Variants in TCF12 observed in about 807,000 individuals in gnomAD.
TCF12 encodes transcription factor 12.
Under a neutral mutation model 86.0 loss-of-function variants are expected in TCF12, and 45 were observed. The ratio of observed to expected loss-of-function variants is 0.52; its 90% CI spans 0.41 to 0.67. The LOEUF (loss-of-function observed/expected upper bound fraction) is 0.67. Ranked by LOEUF, TCF12 falls within the 30% of genes least tolerant of loss-of-function variation. The pLI, the probability that TCF12 is intolerant of heterozygous loss-of-function variation, is 0.00. For synonymous variants in TCF12, 330 were observed against 299.6 expected (o/e 1.10, Z -1.05); for missense variants, 881 against 859.9 (o/e 1.02, Z -0.31).
chr15:57,143,099 C>T (rs1406707865), intron 5 of TCF12, among the ~76,000 whole-genome samples: 1 of 151,240 alleles, frequency 6.6e-6, no homozygotes, highest in Non-Finnish European at 1.5e-5. Flanking sequence ...GCATTGCCTA[C>T]CTTTACCAAA....
intron 13 of TCF12, among the ~76,000 whole-genome samples, chr15:57,244,290 A>G (rs2059759660): frequency 6.6e-6 from 1 of 152,230 alleles, no homozygotes; most frequent in African/African-American, 2.4e-5. Flanking sequence ...TACGGGTAAG[A>G]TTCAAAGATG....
intron 5 of TCF12, among the ~76,000 whole-genome samples, chr15:57,111,168 G>A (rs1177785627): frequency 2.0e-5 from 3 of 151,890 alleles, no homozygotes; most frequent in Admixed American, 6.6e-5. Flanking sequence ...ACTAGCTAGC[G>A]CTGAATGGAC....
chr15:57,021,058 C>T (rs773324919), intron 3 of TCF12, among the ~76,000 whole-genome samples: 1 of 152,100 alleles, frequency 6.6e-6, no homozygotes, highest in Non-Finnish European at 1.5e-5. Context: ...ACATTAAGAG[C>T]ATCTTGAGAG....
intron 8 of TCF12, among the ~76,000 whole-genome samples, chr15:57,222,079 A>T (rs1840491895): frequency 2.0e-5 from 3 of 152,068 alleles, no homozygotes; most frequent in South Asian, 2.1e-4. Context: ...GATTTATTTT[A>T]AAATGATAGA....
At chr15:57,086,308 A>T (rs1036988814) in intron 4 of TCF12, among the ~76,000 whole-genome samples, 1 of 151,378 alleles carries the variant, frequency 6.6e-6, no homozygotes, top group Non-Finnish European at 1.5e-5. Flanking sequence ...ACATATATTT[A>T]CTTATTTAAT....
chr15:57,205,809 T>A (rs1407585601), intron 8 of TCF12, among the ~76,000 whole-genome samples: 4 of 152,194 alleles, frequency 2.6e-5, no homozygotes, highest in African/African-American at 9.7e-5. Flanking sequence ...AGTTCTAAGA[T>A]GTTGATTTTT....
At chr15:56,974,071 G>T (rs183982860) in intron 3 of TCF12, among the ~76,000 whole-genome samples, 68 of 152,228 alleles carry the variant, frequency 4.5e-4, no homozygotes, top group Admixed American at 9.2e-4. Flanking sequence ...TTCTTTTCCT[G>T]TGAAGGACAT....
chr15:57,246,236 C>T (rs1162672985), intron 13 of TCF12, among the ~76,000 whole-genome samples: 1 of 152,130 alleles, frequency 6.6e-6, no homozygotes, highest in Non-Finnish European at 1.5e-5. Context: ...GGTGCAGAGC[C>T]ACATAAGCAG....
rs59704193 is a variant in TCF12, at chr15:57,237,148, AGT to A, written c.1035+3064_1035+3065del. 3.5e-3 allele frequency among the ~76,000 whole-genome samples: 515 copies of A among 146,124 alleles called. 1 individual carries two copies. The highest frequency in any genetic ancestry group is 4.8e-3 in the Non-Finnish European group (321 of 66,382). On this transcript the variant is annotated intron_variant, in intron 12 of 20. Coordinates refer to ENST00000333725, the MANE Select transcript of TCF12 (RefSeq NM_207037.2). ...GAGCAAGGGAAAAAGAGAGAGAGAGAGTGTGTGTGTGTGTGTGTGTGTGTATA... is the reference window on the plus strand; with the variant it reads ...GAGCAAGGGAAAAAGAGAGAGAGAGAGTGTGTGTGTGTGTGTGTGTGTATA...
intron 13 of TCF12, among the ~76,000 whole-genome samples, chr15:57,244,727 G>A (rs1203420191): frequency 6.6e-6 from 1 of 151,270 alleles, no homozygotes; most frequent in Non-Finnish European, 1.5e-5. Flanking sequence ...TTCTCCCAAA[G>A]TGCTGGGATT....
upstream of TCF12, chr15:56,918,530 TC>T: frequency 3.4e-6 from 1 of 295,776 alleles, no homozygotes; most frequent in Non-Finnish European, 6.7e-6. Context: ...CTCCTCCCAG[TC>T]CCCGACAGCT....
chr15:57,095,303 C>G (rs1012756680), intron 5 of TCF12, among the ~76,000 whole-genome samples: 1 of 152,166 alleles, frequency 6.6e-6, no homozygotes, highest in Non-Finnish European at 1.5e-5. Context: ...TCTTCCAGCT[C>G]TGGTCCATTT....
At chr15:57,185,660 A>G (rs935021140) in intron 6 of TCF12, among the ~76,000 whole-genome samples, 1 of 152,224 alleles carries the variant, frequency 6.6e-6, no homozygotes, top group African/African-American at 2.4e-5. Flanking sequence ...CCAAGGCAGG[A>G]GGATCACTTG....
At chr15:57,065,945 T>C (rs2068839291) in intron 4 of TCF12, among the ~76,000 whole-genome samples, 1 of 152,186 alleles carries the variant, frequency 6.6e-6, no homozygotes, top group Non-Finnish European at 1.5e-5. Context: ...AGTGAAGATT[T>C]AATGCTACCC....
At position 56,919,946 on chromosome 15, in the gene TCF12, A is replaced by G. The variant is rs138659671; in HGVS notation, c.33A>G (p.Ile11Met). ...CCCAGCAACAACGCATGGCCGCTAT[A>G]GGGACCGACAAGGAGCTGAGCGACC... MNPQQQRMAA[I>M]GTDKELSDLL... Residue 11 changes from isoleucine to methionine, a missense_variant, in exon 2 of 21, where the codon ATA becomes ATG. Around this residue, in one of 3 missense-constraint regions of TCF12, gnomAD observed 766 missense variants for 718.9 expected, o/e 1.07. Transcript: ENST00000333725. The G allele has an allele frequency of 7.7e-5, 125 of 1,613,928 alleles. No individual in the cohort carries two copies. The highest frequency in any genetic ancestry group is 1.0e-4 in the Non-Finnish European group (118 of 1,179,970).
chr15:57,189,551 C>G (rs1401531183), intron 6 of TCF12, among the ~76,000 whole-genome samples: 3 of 152,080 alleles, frequency 2.0e-5, no homozygotes, highest in Admixed American at 1.3e-4. Flanking sequence ...TACCACTTTG[C>G]CCCTCAAGGA....
At chr15:57,208,249 G>A (rs1333853054) in intron 8 of TCF12, among the ~76,000 whole-genome samples, 1 of 151,580 alleles carries the variant, frequency 6.6e-6, no homozygotes, top group Non-Finnish European at 1.5e-5. Flanking sequence ...GGCCAGGCTG[G>A]TCTTGAACTC....
intron 13 of TCF12, chr15:57,247,499 A>G (rs534355951): frequency 2.5e-6 from 2 of 801,278 alleles, no homozygotes; most frequent in Non-Finnish European, 4.3e-6. Context: ...TTTCTGAACA[A>G]CAATTTTATC....
chr15:57,241,696 T>C (rs1038256574), intron 12 of TCF12, among the ~76,000 whole-genome samples: 2 of 152,140 alleles, frequency 1.3e-5, no homozygotes, highest in Admixed American at 6.5e-5. Context: ...GTTACCTTTT[T>C]AAAAAATGAA....
Sources: gnomAD v4.1 joint callset for allele counts (sites outside exome capture counted in the v4.1 genomes callset) on GRCh38, gnomAD v4.1.1 for gene constraint, gnomAD v4.1.1 regional missense constraint, MANE v1.5 for transcripts, NCBI Gene and HGNC (gene_info 2026-07-23, HGNC 2026-07-21) for gene names.